Variants in ANO3 observed in about 807,000 individuals in gnomAD.
ANO3 encodes the protein anoctamin 3, also known as anoctamin-3.
Under a neutral mutation model 144.8 loss-of-function variants are expected in ANO3, and 99 were observed. The ratio of observed to expected loss-of-function variants is 0.68; its 90% CI spans 0.58 to 0.81. ANO3 has a LOEUF of 0.81. Ranked by LOEUF, ANO3 falls within the 30% of genes least tolerant of loss-of-function variation. The pLI is 0.00. For missense variants in ANO3, 905 were observed against 1,202.2 expected, an observed-to-expected ratio of 0.75 and a Z score of 3.66; for synonymous variants, 414 against 392.6, an observed-to-expected ratio of 1.05 and a Z score of -0.64.
upstream of ANO3, among the ~76,000 whole-genome samples, chr11:26,307,471 C>T (rs543271469): frequency 3.9e-4 from 60 of 152,212 alleles, no homozygotes; most frequent in African/African-American, 1.4e-3. Context: ...GAGGCTGAGG[C>T]AGGCCGATCA....
chr11:26,332,444 T>TA lies in ANO3; in HGVS notation c.46+139dup, dbSNP rs56225203. 210,182 of 610,070 alleles carry TA rather than the reference T, an allele frequency of 0.34. 14,240 individuals are homozygous for TA. Among genetic ancestry groups the TA allele is most frequent in the Admixed American group, 0.44 (13,272 of 30,000 alleles). 37.8% of individuals were successfully genotyped at this position (610,070 alleles called of 1,614,324 possible). On this transcript the variant is annotated intron_variant, in intron 1 of 26. Transcript: ENST00000256737. ...ACAGAGGTGGGGAACTCTGTGAAGT[T>TA]AAAAAAAAAAAAAAAATTAAATTCC...
chr11:26,428,749 G>C (rs10767528), intron 1 of ANO3, among the ~76,000 whole-genome samples: 97,081 of 151,704 alleles, frequency 0.64, 33,026 homozygotes, highest in Admixed American at 0.79. Context: ...GTGTGTGTGT[G>C]TGTGTATGTG....
rs557148711 is a variant in ANO3 at position 26,345,171 on chromosome 11, G to A, written c.46+12850G>A. Among the ~76,000 whole-genome samples the A allele has an allele frequency of 1.2e-3, 186 of 152,206 alleles. 1 individual carries two copies. The highest frequency in any genetic ancestry group is 1.9e-3 in the Non-Finnish European group (131 of 68,010). On this transcript the variant is annotated intron_variant, in intron 1 of 26. Transcript: ENST00000256737. Reference sequence around the variant, plus strand: ...GCAATCTCTCTCTTCTTCAGACCTAGTATTGACCAATTAGAAGAAAAATTG... The same window carrying A: ...GCAATCTCTCTCTTCTTCAGACCTAATATTGACCAATTAGAAGAAAAATTG...
chr11:26,315,129 C>T (rs550161016), intron 1 of ANO3, among the ~76,000 whole-genome samples: 3 of 151,812 alleles, frequency 2.0e-5, no homozygotes, highest in African/African-American at 7.2e-5. Context: ...TAGATGATTA[C>T]ATCTATGTAT....
chr11:26,364,293 G>A (rs1856004370), intron 1 of ANO3, among the ~76,000 whole-genome samples: 1 of 152,080 alleles, frequency 6.6e-6, no homozygotes, highest in African/African-American at 2.4e-5. Flanking sequence ...GAAACATGGG[G>A]ATCAGACCTA....
chr11:26,650,206 G>C (rs952890462), intron 24 of ANO3, among the ~76,000 whole-genome samples: 3 of 150,668 alleles, frequency 2.0e-5, no homozygotes, highest in African/African-American at 4.9e-5. Flanking sequence ...GATTCATTCA[G>C]ATTGGAAATT....
At chr11:26,422,586 T>C (rs898887838) in intron 1 of ANO3, among the ~76,000 whole-genome samples, 3 of 152,050 alleles carry the variant, frequency 2.0e-5, no homozygotes, top group Admixed American at 6.6e-5. Flanking sequence ...ACACATTTCC[T>C]ATGGGTTTAC....
chr11:26,449,525 GCACA>G (rs1218919217), intron 3 of ANO3, among the ~76,000 whole-genome samples: 1 of 137,700 alleles, frequency 7.3e-6, no homozygotes, highest in Non-Finnish European at 1.6e-5. Context: ...ACACACGCAC[GCACA>G]TCTCTTTGGA....
At chr11:26,431,584 G>A (rs948162551) in intron 1 of ANO3, among the ~76,000 whole-genome samples, 10 of 152,070 alleles carry the variant, frequency 6.6e-5, no homozygotes, top group Non-Finnish European at 8.8e-5. Context: ...AGACCGCAGC[G>A]TCTGTTCCCT....
chr11:26,320,536 A>C (rs1854733203), intron 1 of ANO3, among the ~76,000 whole-genome samples: 1 of 152,146 alleles, frequency 6.6e-6, no homozygotes, highest in Non-Finnish European at 1.5e-5. Flanking sequence ...TTTTTACTAT[A>C]CTCTATTTAA....
intron 1 of ANO3, among the ~76,000 whole-genome samples, chr11:26,208,894 T>A (rs1313378834): frequency 1.3e-5 from 2 of 152,196 alleles, no homozygotes; most frequent in African/African-American, 4.8e-5. Context: ...CATATGATCC[T>A]GGAAATGTAA....
chr11:26,476,948 A>G (rs903891856), intron 4 of ANO3, among the ~76,000 whole-genome samples: 5 of 151,222 alleles, frequency 3.3e-5, no homozygotes, highest in South Asian at 2.1e-4. Context: ...AGAGAGAGAG[A>G]GAGACTTTTA....
chr11:26,363,987 G>T (rs1855996354), intron 1 of ANO3, among the ~76,000 whole-genome samples: 1 of 152,146 alleles, frequency 6.6e-6, no homozygotes, highest in Non-Finnish European at 1.5e-5. Context: ...GTCCTTATAG[G>T]ACTGGCTTTA....
At chr11:26,515,391 ATG>A (rs962345234) in intron 5 of ANO3, among the ~76,000 whole-genome samples, 2 of 59,540 alleles carry the variant, frequency 3.4e-5, no homozygotes, top group African/African-American at 1.2e-4. Flanking sequence ...AAGTCCTCTA[ATG>A]AGAAACCAAA....
At chr11:26,278,018 T>C (rs1853595272) in intron 1 of ANO3, among the ~76,000 whole-genome samples, 1 of 152,108 alleles carries the variant, frequency 6.6e-6, no homozygotes, top group African/African-American at 2.4e-5. Flanking sequence ...GTCTGCTATT[T>C]TCACAGCCCA....
At chr11:26,218,834 GAAGA>G (rs1485080165) in intron 1 of ANO3, among the ~76,000 whole-genome samples, 1 of 152,158 alleles carries the variant, frequency 6.6e-6, no homozygotes, top group African/African-American at 2.4e-5. Flanking sequence ...AAACTTAAAG[GAAGA>G]AAGAGAGATA....
At chr11:26,545,939 C>T (rs930369149) in intron 11 of ANO3, among the ~76,000 whole-genome samples, 3 of 151,816 alleles carry the variant, frequency 2.0e-5, no homozygotes, top group African/African-American at 7.2e-5. Context: ...TCTACTTTTA[C>T]TTAGGTGACT....
chr11:26,240,785 A>G (rs1455576919), intron 1 of ANO3, among the ~76,000 whole-genome samples: 2 of 152,214 alleles, frequency 1.3e-5, no homozygotes, highest in Non-Finnish European at 2.9e-5. Flanking sequence ...AACTACTGCC[A>G]TGTTATGGAA....
At chr11:26,372,662 CCAAA>C (rs1856294312) in intron 1 of ANO3, among the ~76,000 whole-genome samples, 1 of 151,960 alleles carries the variant, frequency 6.6e-6, no homozygotes, top group Non-Finnish European at 1.5e-5. Context: ...GAGCAGTACA[CCAAA>C]CATACAAAAA....
Sources: allele counts gnomAD v4.1 joint callset (sites outside exome capture counted in the v4.1 genomes callset), GRCh38; gene constraint gnomAD v4.1.1; transcripts MANE v1.5; gene names NCBI Gene and HGNC (gene_info 2026-07-23, HGNC 2026-07-21).